Variants in GPC6 observed in about 807,000 individuals in gnomAD.
The protein encoded by GPC6 is glypican 6.
Under a neutral mutation model 55.2 loss-of-function variants are expected in GPC6, and 14 were observed. The observed-to-expected ratio is 0.25, with a 90% confidence interval of 0.17 to 0.40. The LOEUF (loss-of-function observed/expected upper bound fraction) is 0.40, where lower values mean the gene tolerates loss of function less well. GPC6 is among the 10% of genes least tolerant of loss of function. The pLI is 1.00. For missense variants in GPC6, 641 were observed against 708.5 expected (o/e 0.90, Z 1.08); for synonymous variants, 278 against 259.6 (o/e 1.07, Z -0.68).
At chr13:93,634,119 G>A (rs1405135309) in intron 2 of GPC6, among the ~76,000 whole-genome samples, 1 of 152,146 alleles carries the variant, frequency 6.6e-6, no homozygotes, top group East Asian at 1.9e-4. Flanking sequence ...TATGAAAACT[G>A]CTGTCCTGTT....
At chr13:93,564,906 C>G (rs1876011941) in intron 2 of GPC6, among the ~76,000 whole-genome samples, 1 of 152,138 alleles carries the variant, frequency 6.6e-6, no homozygotes. Context: ...TAAATATTTA[C>G]AAATTTCCCT....
chr13:94,231,577 C>G (rs927738220), intron 4 of GPC6, among the ~76,000 whole-genome samples: 6 of 152,134 alleles, frequency 3.9e-5, no homozygotes, highest in African/African-American at 1.2e-4. Flanking sequence ...ATGTTGTCAT[C>G]AGAGGGTTTG....
At position 93,454,360 on chromosome 13, in the gene GPC6, C is replaced by G. The variant is rs1029774932; in HGVS notation, c.161-90903C>G. On this transcript the variant is annotated intron_variant, in intron 1 of 8. Coordinates refer to ENST00000377047, the MANE Select transcript of GPC6 (RefSeq NM_005708.5). ...CCCCACCAGAGTAGCTAGATAGTGT[C>G]GATTGGTGCACTCACAAACCCTGAG... is the stretch of plus-strand genomic sequence containing the variant. Among the ~76,000 whole-genome samples, 42 of 93,842 alleles carry G rather than the reference C, an allele frequency of 4.5e-4. 1 individual carries two copies. The East Asian group carries it at 0.01, about 22-fold the overall frequency. The allele number at this position is 93,842 out of a possible 152,430, so 61.6% of individuals were successfully genotyped here.
At chr13:93,267,832 A>AT (rs887180690) in intron 1 of GPC6, among the ~76,000 whole-genome samples, 3 of 152,108 alleles carry the variant, frequency 2.0e-5, no homozygotes, top group African/African-American at 7.2e-5. Context: ...GAGATTTTAT[A>AT]TTTTTTTAGG....
intron 1 of GPC6, among the ~76,000 whole-genome samples, chr13:93,408,218 G>A (rs1876367140): frequency 6.6e-6 from 1 of 152,144 alleles, no homozygotes; most frequent in African/African-American, 2.4e-5. Flanking sequence ...TTGAGAGCAT[G>A]TGAAATAACT....
chr13:93,985,049 T>C (rs1880962884), intron 3 of GPC6, among the ~76,000 whole-genome samples: 1 of 152,190 alleles, frequency 6.6e-6, no homozygotes, highest in Non-Finnish European at 1.5e-5. Context: ...CCAGGCTCTT[T>C]CTTACTGCTC....
chr13:94,275,695 T>C (rs1423677872), intron 4 of GPC6, among the ~76,000 whole-genome samples: 1 of 151,612 alleles, frequency 6.6e-6, no homozygotes, highest in African/African-American at 2.4e-5. Flanking sequence ...AAAGGGCTGG[T>C]TTTCTTGATT....
At chr13:93,260,951 G>A (rs545867261) in intron 1 of GPC6, among the ~76,000 whole-genome samples, 6 of 152,004 alleles carry the variant, frequency 3.9e-5, no homozygotes, top group Non-Finnish European at 7.4e-5. Flanking sequence ...TGTTATGGTG[G>A]GTGGGAATAC....
At chr13:94,336,615 G>A (rs976460696) in intron 6 of GPC6, among the ~76,000 whole-genome samples, 16 of 152,206 alleles carry the variant, frequency 1.1e-4, no homozygotes, top group South Asian at 4.1e-4. Flanking sequence ...AATTATGAAC[G>A]AAGGGTTGGT....
intron 1 of GPC6, among the ~76,000 whole-genome samples, chr13:93,281,578 C>T (rs376546784): frequency 6.6e-6 from 1 of 152,142 alleles, no homozygotes; most frequent in South Asian, 2.1e-4. Context: ...CTTTCGGAGG[C>T]CAAGGCAGGT....
At chr13:93,871,272 T>C (rs1415481895) in intron 3 of GPC6, among the ~76,000 whole-genome samples, 1 of 151,924 alleles carries the variant, frequency 6.6e-6, no homozygotes, top group Non-Finnish European at 1.5e-5. Flanking sequence ...CAGAGTGGGG[T>C]GACTAACACC....
intron 4 of GPC6, among the ~76,000 whole-genome samples, chr13:94,131,285 C>T (rs1335599345): frequency 6.6e-6 from 1 of 152,004 alleles, no homozygotes; most frequent in East Asian, 1.9e-4. Context: ...CTTTATTGTG[C>T]ATTTCGCCTC....
intron 7 of GPC6, among the ~76,000 whole-genome samples, chr13:94,383,648 A>C (rs1468149559): frequency 6.6e-6 from 1 of 152,226 alleles, no homozygotes; most frequent in Non-Finnish European, 1.5e-5. Context: ...GTTAAGCAGG[A>C]GGTGCAAGGG....
chr13:93,710,874 G>A (rs963688797), intron 2 of GPC6, among the ~76,000 whole-genome samples: 1 of 151,520 alleles, frequency 6.6e-6, no homozygotes, highest in East Asian at 2.0e-4. Flanking sequence ...CTTGAAGGTA[G>A]GCAAATTATA....
At chr13:93,268,528 G>A (rs1209074370) in intron 1 of GPC6, among the ~76,000 whole-genome samples, 1 of 152,110 alleles carries the variant, frequency 6.6e-6, no homozygotes, top group Admixed American at 6.6e-5. Flanking sequence ...GAAATGAAGT[G>A]TGGAAGAGAG....
At chr13:94,252,612 C>CCAA (rs966710352) in intron 4 of GPC6, among the ~76,000 whole-genome samples, 2 of 151,872 alleles carry the variant, frequency 1.3e-5, no homozygotes, top group African/African-American at 2.4e-5. Flanking sequence ...CCCACCACCA[C>CCAA]CAACAACAAC....
chr13:93,885,856 A>G (rs577000253), intron 3 of GPC6, among the ~76,000 whole-genome samples: 1 of 152,236 alleles, frequency 6.6e-6, no homozygotes, highest in Non-Finnish European at 1.5e-5. Flanking sequence ...AAACCAAACC[A>G]AAACAAAACA....
At chr13:93,716,754 G>A (rs563574854) in intron 2 of GPC6, among the ~76,000 whole-genome samples, 2 of 151,652 alleles carry the variant, frequency 1.3e-5, no homozygotes, top group East Asian at 2.0e-4. Flanking sequence ...TTACAGTAGT[G>A]TACAGTAATG....
At chr13:93,309,188 A>G (rs1309649052) in intron 1 of GPC6, among the ~76,000 whole-genome samples, 1 of 152,186 alleles carries the variant, frequency 6.6e-6, no homozygotes, top group Non-Finnish European at 1.5e-5. Flanking sequence ...AATGTAAATG[A>G]TATGCTTTTT....
Sources: gnomAD v4.1 joint callset for allele counts (sites outside exome capture counted in the v4.1 genomes callset) on GRCh38, gnomAD v4.1.1 for gene constraint, MANE v1.5 for transcripts, NCBI Gene and HGNC (gene_info 2026-07-23, HGNC 2026-07-21) for gene names.